The following RALGPS2 variants were observed in gnomAD, a reference collection of about 807,000 sequenced individuals.
The protein encoded by RALGPS2 is Ral GEF with PH domain and SH3 binding motif 2, also known as ras-specific guanine nucleotide-releasing factor RalGPS2.
In RALGPS2, 43 loss-of-function variants were observed where a neutral mutation model predicts 86.8. The observed-to-expected ratio is 0.50, with a 90% CI of 0.39 to 0.64. The LOEUF (loss-of-function observed/expected upper bound fraction) is 0.64, where lower values mean the gene tolerates loss of function less well. RALGPS2 is among the 30% of genes least tolerant of loss of function. RALGPS2 has a pLI of 0.00. For missense variants in RALGPS2, 536 were observed against 694.6 expected (o/e 0.77, Z 2.57); for synonymous variants, 243 against 231.3 (o/e 1.05, Z -0.46).
intron 4 of RALGPS2, among the ~76,000 whole-genome samples, chr1:178,804,069 C>CTT (rs35448018): frequency 3.5e-4 from 50 of 142,786 alleles, no homozygotes; most frequent in African/African-American, 7.2e-4. Context: ...CAATCTATTC[C>CTT]TTTTTTTTTT....
At chr1:178,816,225 A>G (rs1655221837) in intron 6 of RALGPS2, among the ~76,000 whole-genome samples, 1 of 152,206 alleles carries the variant, frequency 6.6e-6, no homozygotes, top group African/African-American at 2.4e-5. Context: ...GTTACTCCAC[A>G]CATCTTGCCA....
chr1:178,747,020 C>T, intron 1 of RALGPS2: 4 of 910,846 alleles, frequency 4.4e-6, no homozygotes, highest in Non-Finnish European at 7.4e-6. Flanking sequence ...ACACATTTTG[C>T]TCCTTCTGTT....
At chr1:178,831,733 G>C (rs529442651) in intron 7 of RALGPS2, among the ~76,000 whole-genome samples, 2 of 150,604 alleles carry the variant, frequency 1.3e-5, no homozygotes, top group East Asian at 2.0e-4. Flanking sequence ...GAAAGAAAAG[G>C]CTTCTCAGTT....
intron 1 of RALGPS2, among the ~76,000 whole-genome samples, chr1:178,734,197 A>C (rs1650546098): frequency 1.3e-5 from 2 of 152,224 alleles, no homozygotes; most frequent in South Asian, 4.1e-4. Flanking sequence ...TTGAATGAAA[A>C]AGTTAGATAA....
At chr1:178,813,356 C>T (rs539419729) in intron 6 of RALGPS2, among the ~76,000 whole-genome samples, 1 of 152,184 alleles carries the variant, frequency 6.6e-6, no homozygotes, top group African/African-American at 2.4e-5. Context: ...AAATTTTGCT[C>T]AAACCTACCA....
At chr1:178,763,309 C>T (rs955992255) in intron 1 of RALGPS2, among the ~76,000 whole-genome samples, 1 of 152,108 alleles carries the variant, frequency 6.6e-6, no homozygotes, top group Non-Finnish European at 1.5e-5. Flanking sequence ...TTTGCTTAGG[C>T]TTGCATTCAC....
intron 8 of RALGPS2, among the ~76,000 whole-genome samples, chr1:178,851,570 T>C (rs1167313074): frequency 6.6e-6 from 1 of 152,102 alleles, no homozygotes; most frequent in Non-Finnish European, 1.5e-5. Context: ...TTTAATTTTC[T>C]AGTTAGCAGA....
At chr1:178,777,510 A>G (rs578085863) in intron 2 of RALGPS2, among the ~76,000 whole-genome samples, 2,109 of 151,728 alleles carry the variant, frequency 0.014, 44 homozygotes, top group African/African-American at 0.048. Flanking sequence ...TCAAGCTACC[A>G]ATGACTTTCT....
At chr1:178,847,312 G>C (rs1402728392) in intron 8 of RALGPS2, among the ~76,000 whole-genome samples, 3 of 152,182 alleles carry the variant, frequency 2.0e-5, no homozygotes, top group African/African-American at 4.8e-5. Flanking sequence ...TGGGTGTGGT[G>C]GTGGGCGCCT....
intron 8 of RALGPS2, among the ~76,000 whole-genome samples, chr1:178,856,202 G>GAGAGAGAGATATATATATATATAT (rs1428022812): frequency 2.4e-5 from 2 of 83,912 alleles, no homozygotes; most frequent in African/African-American, 1.3e-4. Context: ...GAGAGAGAGA[G>GAGAGAGAGATATATATATATATAT]ATATATATAT....
At chr1:178,749,994 C>G (rs753512084) in intron 1 of RALGPS2, among the ~76,000 whole-genome samples, 2 of 152,068 alleles carry the variant, frequency 1.3e-5, no homozygotes, top group Non-Finnish European at 2.9e-5. Context: ...ACCTGTTGTC[C>G]CAGCTACTTG....
chr1:178,895,128 C>T (rs1280199173), intron 16 of RALGPS2, among the ~76,000 whole-genome samples: 17 of 151,988 alleles, frequency 1.1e-4, no homozygotes, highest in Non-Finnish European at 2.9e-5. Context: ...GAAGTTTCTT[C>T]TTCCTCAACA....
At chr1:178,838,024 G>A (rs1048920208) in intron 8 of RALGPS2, among the ~76,000 whole-genome samples, 8 of 152,120 alleles carry the variant, frequency 5.3e-5, no homozygotes, top group Non-Finnish European at 1.0e-4. Context: ...TAAACAAAGC[G>A]GCCTGGAAGC....
chr1:178,790,007 G>A (rs1307181795), intron 4 of RALGPS2, among the ~76,000 whole-genome samples: 4 of 152,120 alleles, frequency 2.6e-5, no homozygotes, highest in South Asian at 2.1e-4. Flanking sequence ...GTAGTGCAGC[G>A]GCGCAATGAC....
At chr1:178,893,807 T>C (rs1460335940) in intron 15 of RALGPS2, 112 bp from the exon 16 acceptor site, 2 of 698,264 alleles carry the variant, frequency 2.9e-6, no homozygotes, top group African/African-American at 3.6e-5. Flanking sequence ...TTCTCAGCTC[T>C]GAATAAAGTA....
At chr1:178,897,599 G>A in intron 16 of RALGPS2, 65 bp from the exon 17 acceptor site, 2 of 1,319,322 alleles carry the variant, frequency 1.5e-6, no homozygotes, top group South Asian at 2.4e-5. Context: ...TTGGCACTTA[G>A]AATGTAAAGA....
chr1:178,777,331 A>G (rs1219220541), intron 2 of RALGPS2, among the ~76,000 whole-genome samples: 1 of 152,090 alleles, frequency 6.6e-6, no homozygotes, highest in Non-Finnish European at 1.5e-5. Flanking sequence ...AATCCAACTT[A>G]CAAGGGATGT....
At chr1:178,903,235 G>A (rs1171957922) in intron 18 of RALGPS2, among the ~76,000 whole-genome samples, 1 of 152,094 alleles carries the variant, frequency 6.6e-6, no homozygotes, top group Non-Finnish European at 1.5e-5. Flanking sequence ...CCACTTTTAT[G>A]TTTCAGTGTT....
rs188262665 is a variant in RALGPS2 at position 178,876,400 on chromosome 1, A to G, written c.608-1098A>G. On this transcript the variant is annotated intron_variant, in intron 8 of 19. Coordinates refer to ENST00000367635, the MANE Select transcript of RALGPS2 (RefSeq NM_152663.5). Reference sequence around the variant, plus strand: ...ATGGCATTAGACAGGTCCCTTTACTATCTATGTATTTCAGGTTCTTCATCT... The same window carrying G: ...ATGGCATTAGACAGGTCCCTTTACTGTCTATGTATTTCAGGTTCTTCATCT... Among the ~76,000 whole-genome samples the G allele has an allele frequency of 1.3e-3, 195 of 152,258 alleles. 2 individuals are homozygous for G. Among genetic ancestry groups the G allele is most frequent in the African/African-American group, 4.3e-3 (179 of 41,556 alleles).
Sources: gnomAD v4.1 joint callset for allele counts (sites outside exome capture counted in the v4.1 genomes callset) on GRCh38, gnomAD v4.1.1 for gene constraint, MANE v1.5 for transcripts, NCBI Gene and HGNC (gene_info 2026-07-23, HGNC 2026-07-21) for gene names.